ZNF423: variants seen among roughly 807,000 people sequenced by gnomAD.
ZNF423 encodes the protein zinc finger protein 423, also known as Ebf-associated zinc finger protein.
In ZNF423, 12 loss-of-function variants were observed where a neutral mutation model predicts 95.8. That is an observed-to-expected ratio of 0.13 (90% CI 0.08 to 0.20). The LOEUF is 0.20. Ranked by LOEUF, ZNF423 falls within the 10% of genes least tolerant of loss-of-function variation. The pLI is 1.00. For synonymous variants in ZNF423, 749 were observed against 711.9 expected, an observed-to-expected ratio of 1.05 and a Z score of -0.83; for missense variants, 1,316 against 1,737.1, an observed-to-expected ratio of 0.76 and a Z score of 4.31.
At chr16:49,493,137 T>C (rs968921692) in intron 7 of ZNF423, among the ~76,000 whole-genome samples, 1 of 152,018 alleles carries the variant, frequency 6.6e-6, no homozygotes, top group Non-Finnish European at 1.5e-5. Flanking sequence ...TCCCTGTACT[T>C]GTGCAGGGAC....
chr16:49,648,638 C>T (rs923848026), intron 3 of ZNF423, among the ~76,000 whole-genome samples: 9 of 144,308 alleles, frequency 6.2e-5, no homozygotes, highest in African/African-American at 2.1e-4. Flanking sequence ...GGTGACAGAG[C>T]AAGACTCCAT....
intron 3 of ZNF423, among the ~76,000 whole-genome samples, chr16:49,705,398 C>T (rs1372774129): frequency 2.0e-5 from 3 of 152,134 alleles, no homozygotes; most frequent in Non-Finnish European, 2.9e-5. Context: ...TGTTTACAAC[C>T]TATGGGTAAA....
At position 49,855,591 on chromosome 16, in the gene ZNF423, TCCGCCTCCTCTG is replaced by T. The variant is rs1302846655; in HGVS notation, c.40+132_40+143del. 1.2e-5 allele frequency: 2 copies of T among 173,348 alleles called. No individual in the cohort carries two copies. The highest frequency in any genetic ancestry group is 2.4e-5 in the Non-Finnish European group (2 of 84,372). 10.7% of individuals were successfully genotyped at this position (173,348 alleles called of 1,614,324 possible). ...CCCCTCCTCCGCCTCCGCCTCCGCC[TCCGCCTCCTCTG>T]CCGCCTCCTCCTCCTCCTCTCGGCT... On this transcript the variant is annotated intron_variant, in intron 1 of 7. Transcript: ENST00000563137. The surrounding 1 kb of genome is among the most constrained non-coding windows in gnomAD (Gnocchi z 4.7).
chr16:49,689,495 A>T (rs1280246834), intron 3 of ZNF423, among the ~76,000 whole-genome samples: 1 of 152,114 alleles, frequency 6.6e-6, no homozygotes, highest in East Asian at 1.9e-4. Flanking sequence ...TTGCAAAGAT[A>T]TGCTGCTTTC....
rs985168274 is a variant in ZNF423 at position 49,702,909 on chromosome 16, G to A, written c.301+27862C>T. Among the ~76,000 whole-genome samples, 211 of 147,632 alleles carry A rather than the reference G, an allele frequency of 1.4e-3. No homozygotes were observed. In the Middle Eastern group the frequency reaches 0.017, roughly 12 times the overall value. On this transcript the variant is annotated intron_variant, in intron 3 of 7. Coordinates refer to ENST00000563137, the MANE Select transcript of ZNF423 (RefSeq NM_001379286.1). ...CAAGCCAACCTGCCTGTGTGCACAC[G>A]CACACACACACACACACACACACAC...
rs111263296 is a variant in ZNF423 at position 49,771,878 on chromosome 16, G to T, written c.100+17609C>A. On this transcript the variant is annotated intron_variant, in intron 2 of 7. Coordinates refer to ENST00000563137, the MANE Select transcript of ZNF423 (RefSeq NM_001379286.1). Reference sequence around the variant, plus strand: ...TCAGCTCCCACATACCCTCACCAGGGTTCTCCCAAGAACTAGAGCCTTAGC... The same window carrying T: ...TCAGCTCCCACATACCCTCACCAGGTTTCTCCCAAGAACTAGAGCCTTAGC... 7.7e-3 allele frequency among the ~76,000 whole-genome samples: 1,167 copies of T among 152,246 alleles called. 20 individuals are homozygous for T. The highest frequency in any genetic ancestry group is 0.027 in the African/African-American group (1,114 of 41,540).
chr16:49,720,480 C>A (rs1320237840), intron 3 of ZNF423, among the ~76,000 whole-genome samples: 1 of 152,196 alleles, frequency 6.6e-6, no homozygotes, highest in Non-Finnish European at 1.5e-5. Context: ...GCTACCACCT[C>A]CCTGTGTGAC....
chr16:49,823,894 G>A (rs2034975981), intron 1 of ZNF423, among the ~76,000 whole-genome samples: 1 of 151,964 alleles, frequency 6.6e-6, no homozygotes, highest in East Asian at 1.9e-4. Flanking sequence ...TCAGGAGTCC[G>A]AGACCAGCCT....
chr16:49,523,941 C>T (rs1597047658), intron 6 of ZNF423, among the ~76,000 whole-genome samples: 1 of 152,222 alleles, frequency 6.6e-6, no homozygotes, highest in South Asian at 2.1e-4. Flanking sequence ...AGTGGCTGTG[C>T]AACCCTGGGT....
At chr16:49,748,069 T>A (rs2033560451) in intron 2 of ZNF423, among the ~76,000 whole-genome samples, 1 of 152,244 alleles carries the variant, frequency 6.6e-6, no homozygotes, top group South Asian at 2.1e-4. Flanking sequence ...AAGTGAGACC[T>A]TGTCTCTATA....
chr16:49,770,203 C>T lies in ZNF423; in HGVS notation c.100+19284G>A, dbSNP rs796390325. Among the ~76,000 whole-genome samples the T allele has an allele frequency of 7.2e-3, 1,083 of 150,812 alleles. 10 individuals carry two copies. Among genetic ancestry groups the T allele is most frequent in the African/African-American group, 0.025 (1,008 of 41,048 alleles). On this transcript the variant is annotated intron_variant, in intron 2 of 7. Transcript: ENST00000563137. ...CTGAAAGAATGAATAAAAGAATGAA[C>T]GAATGAATGAATGAATGAATGGGCC...
chr16:49,584,697 G>A (rs1464170035), intron 5 of ZNF423, among the ~76,000 whole-genome samples: 1 of 152,134 alleles, frequency 6.6e-6, no homozygotes, highest in Non-Finnish European at 1.5e-5. Flanking sequence ...TCTGTCCTCT[G>A]AGCACATGCA....
chr16:49,837,004 CA>C (rs2035127268), intron 1 of ZNF423, among the ~76,000 whole-genome samples: 2 of 152,222 alleles, frequency 1.3e-5, no homozygotes, highest in Non-Finnish European at 2.9e-5. Context: ...CTCAGATTCC[CA>C]ATTCAAAGTG....
At chr16:49,566,729 CGCA>C (rs1415935806) in intron 5 of ZNF423, among the ~76,000 whole-genome samples, 1 of 152,140 alleles carries the variant, frequency 6.6e-6, no homozygotes, top group Non-Finnish European at 1.5e-5. Flanking sequence ...TGTGCTGATG[CGCA>C]GCCAGTGAGA....
At chr16:49,677,767 A>G (rs2031178814) in intron 3 of ZNF423, among the ~76,000 whole-genome samples, 1 of 146,642 alleles carries the variant, frequency 6.8e-6, no homozygotes, top group African/African-American at 2.6e-5. Flanking sequence ...AAAAAAAAAA[A>G]AAGAGAGAGA....
In ZNF423 at chr16:49,495,554, G is replaced by A. The variant is rs78264232; in HGVS notation, c.3850-4250C>T. Reference sequence around the variant, plus strand: ...CATTCATTCGTCTTTGAGCCAATGAGCCACTATGCTTGTTGCTGGGAATTC... The same window carrying A: ...CATTCATTCGTCTTTGAGCCAATGAACCACTATGCTTGTTGCTGGGAATTC... On this transcript the variant is annotated intron_variant, in intron 7 of 7. Transcript: ENST00000563137. Among the ~76,000 whole-genome samples, 574 of 152,334 alleles carry A rather than the reference G, an allele frequency of 3.8e-3. 4 individuals are homozygous for A. The highest frequency in any genetic ancestry group is 0.012 in the African/African-American group (509 of 41,568).
At chr16:49,599,820 C>T (rs959866345) in intron 5 of ZNF423, among the ~76,000 whole-genome samples, 5 of 152,158 alleles carry the variant, frequency 3.3e-5, no homozygotes, top group Non-Finnish European at 7.3e-5. Flanking sequence ...ACTCATCCAC[C>T]GTGGAAGACG....
chr16:49,724,914 C>T (rs1169383333), intron 3 of ZNF423, among the ~76,000 whole-genome samples: 1 of 152,166 alleles, frequency 6.6e-6, no homozygotes. Flanking sequence ...CAAAGTCCCC[C>T]CTCTTGTTTT....
Position 49,855,066 on chromosome 16 carries a change from C to A in ZNF423, c.40+669G>T. The A allele has an allele frequency of 1.0e-6, 1 of 983,960 alleles. No individual in the cohort carries two copies. Among genetic ancestry groups the A allele is most frequent in the African/African-American group, 1.7e-5 (1 of 57,204 alleles). The allele number at this position is 983,960 out of a possible 1,614,324, so 61.0% of individuals were successfully genotyped here. A position where few individuals can be genotyped will look rare whatever the true frequency, so the allele number is the denominator to read the frequency against. On this transcript the variant is annotated intron_variant, in intron 1 of 7. Coordinates refer to ENST00000563137, the MANE Select transcript of ZNF423 (RefSeq NM_001379286.1). This position sits in a 1 kb window ranked among gnomAD's most constrained non-coding sequence, Gnocchi z 4.7. ...AGACAATGAACTCCTGGCGGAGGCT[C>A]CCTGCCCGGTGGGCCTCGGTGGAGG...
Sources: allele counts gnomAD v4.1 joint callset (sites outside exome capture counted in the v4.1 genomes callset), GRCh38; gene constraint gnomAD v4.1.1; non-coding constraint Gnocchi (gnomAD v3.1); transcripts MANE v1.5; gene names NCBI Gene and HGNC (gene_info 2026-07-23, HGNC 2026-07-21).